The following IFNG-AS1 variants were observed in gnomAD, a reference collection of about 807,000 sequenced individuals.
IFNG-AS1 encodes IFNG regulatory antisense RNA 1.
At chr12:68,015,157 A>T (rs1880120214) in intron 3 of IFNG-AS1, among the ~76,000 whole-genome samples, 2 of 152,194 alleles carry the variant, frequency 1.3e-5, no homozygotes, top group Admixed American at 6.5e-5. Context: ...CCTCATACTG[A>T]GGTCTTATCT....
At chr12:67,992,221 T>C (rs185759028) in intron 1 of IFNG-AS1, among the ~76,000 whole-genome samples, 2 of 152,380 alleles carry the variant, frequency 1.3e-5, no homozygotes, top group African/African-American at 4.8e-5. Flanking sequence ...TTTGCATTTC[T>C]TTTAATATCT....
chr12:68,020,415 T>C (rs1427401310), intron 4 of IFNG-AS1: 1 of 152,204 alleles, frequency 6.6e-6, no homozygotes, highest in Non-Finnish European at 1.5e-5. Flanking sequence ...TTTGGGTTTC[T>C]TGTACACCAA....
chr12:68,005,129 G>T (rs1383766695), intron 2 of IFNG-AS1, among the ~76,000 whole-genome samples: 3 of 152,164 alleles, frequency 2.0e-5, no homozygotes, highest in Non-Finnish European at 4.4e-5. Context: ...TATCCCTCTT[G>T]CACCTAATTT....
chr12:68,015,304 A>G (rs1880125519), intron 3 of IFNG-AS1, among the ~76,000 whole-genome samples: 1 of 152,122 alleles, frequency 6.6e-6, no homozygotes, highest in African/African-American at 2.4e-5. Flanking sequence ...TCTCCATAAT[A>G]AAGACATAGC....
At chr12:68,002,444 C>T (rs950892905) in intron 2 of IFNG-AS1, among the ~76,000 whole-genome samples, 9 of 152,230 alleles carry the variant, frequency 5.9e-5, no homozygotes, top group Admixed American at 3.3e-4. Context: ...TCAACTCCCA[C>T]CTTTTACATT....
At chr12:68,011,126 T>C (rs1454223763) in intron 3 of IFNG-AS1, among the ~76,000 whole-genome samples, 1 of 152,204 alleles carries the variant, frequency 6.6e-6, no homozygotes, top group Non-Finnish European at 1.5e-5. Flanking sequence ...TGATAATATT[T>C]GCTTCCTAAG....
At chr12:68,018,784 A>G (rs997123661) in intron 3 of IFNG-AS1, among the ~76,000 whole-genome samples, 2 of 13,712 alleles carry the variant, frequency 1.5e-4, no homozygotes, top group Admixed American at 3.6e-3. Context: ...TTTTATATAT[A>G]TATTTTTTTT....
chr12:68,010,080 G>T (rs1053664237), intron 3 of IFNG-AS1, among the ~76,000 whole-genome samples: 9 of 152,106 alleles, frequency 5.9e-5, no homozygotes, highest in Non-Finnish European at 7.3e-5. Flanking sequence ...CTACACCCAA[G>T]GGACTCCATG....
At chr12:67,997,706 A>G (rs1315098016) in intron 2 of IFNG-AS1, among the ~76,000 whole-genome samples, 1 of 151,872 alleles carries the variant, frequency 6.6e-6, no homozygotes, top group Non-Finnish European at 1.5e-5. Flanking sequence ...AACAAAGTCA[A>G]ACAACAAACA....
intron 1 of IFNG-AS1, among the ~76,000 whole-genome samples, chr12:67,991,498 G>A (rs1378721206): frequency 1.3e-5 from 2 of 152,218 alleles, no homozygotes; most frequent in Admixed American, 1.3e-4. Flanking sequence ...GACCCCCGAT[G>A]CACATGTGAG....
At chr12:67,992,300 A>G (rs1260664911) in intron 1 of IFNG-AS1, among the ~76,000 whole-genome samples, 7 of 152,238 alleles carry the variant, frequency 4.6e-5, no homozygotes, top group Non-Finnish European at 1.0e-4. Flanking sequence ...TCACTGCTAC[A>G]TAGTATTCCA....
chr12:68,007,172 T>C (rs1026523653), intron 3 of IFNG-AS1, among the ~76,000 whole-genome samples: 2 of 152,196 alleles, frequency 1.3e-5, no homozygotes, highest in African/African-American at 4.8e-5. Context: ...TGTGCTTCCA[T>C]GCCTCCATTT....
chr12:68,010,643 T>A (rs1223628999), intron 3 of IFNG-AS1, among the ~76,000 whole-genome samples: 2 of 152,216 alleles, frequency 1.3e-5, no homozygotes, highest in Admixed American at 6.5e-5. Context: ...TAAAGTTGAT[T>A]AGAGCCTGGC....
chr12:68,009,130 C>T (rs1879969508), intron 3 of IFNG-AS1, among the ~76,000 whole-genome samples: 1 of 152,124 alleles, frequency 6.6e-6, no homozygotes. Flanking sequence ...TAAAAACATC[C>T]TACATTGTAA....
intron 3 of IFNG-AS1, among the ~76,000 whole-genome samples, chr12:68,012,539 CT>C (rs1193432773): frequency 6.6e-6 from 1 of 152,238 alleles, no homozygotes. Flanking sequence ...GTGCAACCAG[CT>C]TCCTTCTCCC....
At chr12:68,020,733 A>T (rs916876763) in intron 4 of IFNG-AS1, 5 of 152,164 alleles carry the variant, frequency 3.3e-5, no homozygotes, top group African/African-American at 1.2e-4. Flanking sequence ...CAACTCTTAT[A>T]TTCCCTTAAA....
intron 3 of IFNG-AS1, among the ~76,000 whole-genome samples, chr12:68,007,679 A>G (rs1879936159): frequency 6.6e-6 from 1 of 152,242 alleles, no homozygotes; most frequent in African/African-American, 2.4e-5. Context: ...TAATTGCCAC[A>G]TGTTATTTTC....
At chr12:68,006,755 G>C (rs2120452272) in intron 3 of IFNG-AS1, among the ~76,000 whole-genome samples, 1 of 152,306 alleles carries the variant, frequency 6.6e-6, no homozygotes, top group East Asian at 1.9e-4. Flanking sequence ...AGAACAGGCT[G>C]CCATTGGTTC....
rs1426686476 is a variant in IFNG-AS1 at position 67,995,657 on chromosome 12, G to A, written n.52-284G>A. Among the ~76,000 whole-genome samples the A allele has an allele frequency of 3.3e-5, 5 of 151,206 alleles. No individual in the cohort carries two copies. In the East Asian group the frequency reaches 9.7e-4, roughly 29 times the overall value. ...GAATCACTTGAACCTGGGAGGCAGA[G>A]GTTGCAGTGAGCCAAGATTGCGCCA... On this transcript the variant is annotated intron_variant and non_coding_transcript_variant, in intron 1 of 5. Coordinates refer to ENST00000536914, the Ensembl canonical transcript of IFNG-AS1.
Sources: allele counts gnomAD v4.1 joint callset (sites outside exome capture counted in the v4.1 genomes callset), GRCh38; gene constraint gnomAD v4.1.1; transcripts MANE v1.5; gene names NCBI Gene and HGNC (gene_info 2026-07-23, HGNC 2026-07-21).